SAMD8: variants seen among roughly 807,000 people sequenced by gnomAD.
SAMD8 encodes the protein sphingomyelin synthase-related protein 1.
SAMD8 carries 20 observed loss-of-function variants against 42.0 expected under a neutral mutation model. That is an observed-to-expected ratio of 0.48 (90% CI 0.34 to 0.69). The LOEUF (loss-of-function observed/expected upper bound fraction) is 0.69. SAMD8 is among the 30% of genes least tolerant of loss of function. The probability of loss-of-function intolerance (pLI) is 0.01; values close to 1 mark genes in which losing one functional copy is unlikely to be tolerated. For synonymous variants in SAMD8, 162 were observed against 173.0 expected, an observed-to-expected ratio of 0.94 and a Z score of 0.50; for missense variants, 328 against 511.6, an observed-to-expected ratio of 0.64 and a Z score of 3.46.
intron 1 of SAMD8, chr10:75,102,031 C>A: frequency 8.4e-7 from 1 of 1,192,510 alleles, no homozygotes; most frequent in Middle Eastern, 2.3e-4. Context: ...CCCTGCCACT[C>A]CCAACTTGTC....
chr10:75,157,619 A>C (rs551331028), intron 2 of SAMD8, among the ~76,000 whole-genome samples: 1 of 152,216 alleles, frequency 6.6e-6, no homozygotes, highest in African/African-American at 2.4e-5. Flanking sequence ...TGTATAAAAT[A>C]AGCCATCTAG....
chr10:75,148,787 T>C (rs928964007), intron 1 of SAMD8, among the ~76,000 whole-genome samples: 1 of 152,224 alleles, frequency 6.6e-6, no homozygotes, highest in East Asian at 1.9e-4. Flanking sequence ...GAGGATGCTG[T>C]CCTCATTCAT....
At chr10:75,110,876 C>T (rs1011377157), upstream of SAMD8, among the ~76,000 whole-genome samples, 8 of 152,056 alleles carry the variant, frequency 5.3e-5, no homozygotes, top group Non-Finnish European at 8.8e-5. Flanking sequence ...AGTGCCATGG[C>T]GTGATCTCGG....
intron 1 of SAMD8, among the ~76,000 whole-genome samples, chr10:75,129,390 A>C (rs1849222236): frequency 6.6e-6 from 1 of 151,900 alleles, no homozygotes; most frequent in African/African-American, 2.4e-5. Flanking sequence ...ACAGGCATGC[A>C]CCACCACACC....
chr10:75,161,468 T>C (rs1168023560), intron 2 of SAMD8, among the ~76,000 whole-genome samples: 1 of 152,004 alleles, frequency 6.6e-6, no homozygotes, highest in Non-Finnish European at 1.5e-5. Flanking sequence ...GCCCACAGAA[T>C]GTCTCATCTT....
At chr10:75,161,955 T>G (rs1485288952) in intron 2 of SAMD8, among the ~76,000 whole-genome samples, 1 of 152,030 alleles carries the variant, frequency 6.6e-6, no homozygotes, top group Non-Finnish European at 1.5e-5. Context: ...GGAGAATTGC[T>G]TGAACCCAGG....
chr10:75,140,073 A>G (rs1839979034), intron 1 of SAMD8, among the ~76,000 whole-genome samples: 2 of 152,226 alleles, frequency 1.3e-5, no homozygotes, highest in African/African-American at 2.4e-5. Context: ...TTGCCTTTGC[A>G]CATTTGTAGA....
intron 1 of SAMD8, among the ~76,000 whole-genome samples, chr10:75,132,782 A>G (rs1438789866): frequency 6.6e-6 from 1 of 151,902 alleles, no homozygotes; most frequent in East Asian, 1.9e-4. Flanking sequence ...TGAGCCCAGG[A>G]GTTCAAGACC....
intron 1 of SAMD8, among the ~76,000 whole-genome samples, chr10:75,126,611 C>T: frequency 6.7e-6 from 1 of 149,478 alleles, no homozygotes; most frequent in South Asian, 2.1e-4. Flanking sequence ...AAGTGGTCTT[C>T]CCACCTTGGC....
chr10:75,174,430 CTTTTTTTTTTTTT>C (rs1159237277), intron 4 of SAMD8, among the ~76,000 whole-genome samples: 1 of 102,760 alleles, frequency 9.7e-6, no homozygotes, highest in African/African-American at 3.7e-5. Context: ...TGCCTGGCCT[CTTTTTTTTTTTTT>C]TTTTTTTTGA....
chr10:75,123,101 A>C lies in SAMD8; in HGVS notation c.-16+11379A>C, dbSNP rs905373553. ...CATAGTGCCAGGTGGAGAAGGGTTA[A>C]GTTTTGTACCTTGCTTGCTGGGAAG... On this transcript the variant is annotated intron_variant, in intron 1 of 5. Transcript: ENST00000542569. Among the ~76,000 whole-genome samples, 7 of 152,116 alleles carry C rather than the reference A, an allele frequency of 4.6e-5. No homozygotes were observed. The South Asian group carries it at 1.4e-3, about 32-fold the overall frequency.
intron 1 of SAMD8, among the ~76,000 whole-genome samples, chr10:75,146,491 G>C (rs776251693): frequency 6.6e-6 from 1 of 151,804 alleles, no homozygotes; most frequent in East Asian, 1.9e-4. Flanking sequence ...TCTGCATGTT[G>C]GTCAGGCTGT....
intron 1 of SAMD8, among the ~76,000 whole-genome samples, chr10:75,116,125 A>G (rs1325389028): frequency 1.3e-5 from 2 of 151,478 alleles, no homozygotes; most frequent in Non-Finnish European, 1.5e-5. Flanking sequence ...TTTTAAAGAT[A>G]GGGTCTCACT....
At position 75,179,958 on chromosome 10, in the gene SAMD8, G is replaced by A. The variant is rs1841051547; in HGVS notation, c.*3266G>A. On this transcript the variant is annotated 3_prime_UTR_variant, in exon 6 of 6. Transcript: ENST00000542569. ...TTTGGGGATGCAAACTGGAGGTTAT[G>A]TTACAAGTCTTCAATGCATTTTCTG... The A allele has an allele frequency of 6.6e-6, 1 of 151,814 alleles. No homozygotes were observed. The highest frequency in any genetic ancestry group is 2.4e-5 in the African/African-American group (1 of 41,318). The allele number at this position is 151,814 out of a possible 1,614,324, so 9.4% of individuals were successfully genotyped here.
chr10:75,167,098 A>G (rs1257398829), intron 3 of SAMD8, among the ~76,000 whole-genome samples: 1 of 152,190 alleles, frequency 6.6e-6, no homozygotes, highest in Non-Finnish European at 1.5e-5. Flanking sequence ...GTCACAGTGC[A>G]GTTCATGATT....
intron 4 of SAMD8, among the ~76,000 whole-genome samples, chr10:75,171,724 C>T (rs1840872632): frequency 6.6e-6 from 1 of 151,980 alleles, no homozygotes; most frequent in South Asian, 2.1e-4. Flanking sequence ...AGGACATGCA[C>T]ATTAAAAAAT....
chr10:75,164,856 A>G, intron 3 of SAMD8, 116 bp downstream of exon 3: 2 of 749,958 alleles, frequency 2.7e-6, no homozygotes, highest in Non-Finnish European at 4.5e-6. Context: ...GGTCATTGTG[A>G]CATAGTTATT....
In SAMD8 at chr10:75,167,836, T is replaced by A. The variant is rs189185420; in HGVS notation, c.675-705T>A. On this transcript the variant is annotated intron_variant, in intron 3 of 5. Transcript: ENST00000542569. The stretch of plus-strand genomic sequence containing the variant: ...TCAAACTTTTGGACTCAAGCAATCC[T>A]CCCACCTTGGCCTCCCAAAGGGCTG... Among the ~76,000 whole-genome samples, 472 of 152,168 alleles carry A rather than the reference T, an allele frequency of 3.1e-3. 5 individuals carry two copies. Among genetic ancestry groups the A allele is most frequent in the African/African-American group, 0.011 (449 of 41,512 alleles).
upstream of SAMD8, chr10:75,108,401 C>T (rs996052631): frequency 1.1e-5 from 11 of 1,036,306 alleles, no homozygotes; most frequent in South Asian, 3.8e-5. Context: ...GCTGAGCCGG[C>T]GGTGTGTGTG....
Sources: allele counts gnomAD v4.1 joint callset (sites outside exome capture counted in the v4.1 genomes callset), GRCh38; gene constraint gnomAD v4.1.1; transcripts MANE v1.5; gene names NCBI Gene and HGNC (gene_info 2026-07-23, HGNC 2026-07-21).